SLC4A8: variants seen among roughly 807,000 people sequenced by gnomAD.
SLC4A8 encodes electroneutral sodium bicarbonate exchanger 1.
A neutral mutation model predicts 125.0 loss-of-function variants in SLC4A8; 40 were observed. The observed-to-expected ratio is 0.32, with a 90% CI of 0.25 to 0.42. The LOEUF (loss-of-function observed/expected upper bound fraction) is 0.42, where lower values mean the gene tolerates loss of function less well. Among genes scored for constraint, SLC4A8 ranks in the 10% least tolerant of loss-of-function variants. The pLI, the probability that SLC4A8 is intolerant of heterozygous loss-of-function variation, is 1.00. For missense variants in SLC4A8, 863 were observed against 1,355.1 expected (o/e 0.64, Z 5.70); for synonymous variants, 456 against 476.0 (o/e 0.96, Z 0.55).
rs1182230261 is a variant in SLC4A8 at position 51,472,209 on chromosome 12, C to CTCCAAATTATGACTAAAGA, written c.1904+681_1904+699dup. Among the ~76,000 whole-genome samples the CTCCAAATTATGACTAAAGA allele has an allele frequency of 2.6e-5, 4 of 152,184 alleles. No homozygotes were observed. The South Asian group carries it at 6.2e-4, about 24-fold the overall frequency. On this transcript the variant is annotated intron_variant, in intron 14 of 24. Transcript: ENST00000453097. ...AACATTTCTTCTCTGGAATAGTATT[C>CTCCAAATTATGACTAAAGA]TCCAAATTATGACTAAAGATCCTCT...
intron 2 of SLC4A8, among the ~76,000 whole-genome samples, chr12:51,448,265 G>A (rs1447282369): frequency 6.6e-6 from 1 of 152,156 alleles, no homozygotes; most frequent in Non-Finnish European, 1.5e-5. Flanking sequence ...GTTAAAGTGG[G>A]AGTTTTGATG....
intron 1 of SLC4A8, among the ~76,000 whole-genome samples, chr12:51,419,435 A>T (rs1424542208): frequency 2.6e-5 from 4 of 152,240 alleles, no homozygotes; most frequent in Non-Finnish European, 4.4e-5. Flanking sequence ...CACTTTAAAT[A>T]GACCTGATTT....
Position 51,474,344 on chromosome 12 carries a change from G to A in SLC4A8, c.1907G>A (p.Cys636Tyr). The stretch of plus-strand genomic sequence containing the variant: ...ATCTTTTTAATTTTTCCCCTCAGCT[G>A]CAGGTGTACTCTGCCAGAGAATCCA... ...SQLDHLSLYY[C>Y]RCTLPENPNN... The change falls in exon 15 of 25, where the codon TGC becomes TAC. Residue 636 changes from cysteine to tyrosine, a missense_variant and splice_region_variant. Cys to Tyr is a radical substitution (Grantham distance 194). Transcript: ENST00000453097. 1 of 1,567,044 alleles carries A rather than the reference G, an allele frequency of 6.4e-7. No individual in the cohort carries two copies. Among genetic ancestry groups the A allele is most frequent in the Non-Finnish European group, 8.7e-7 (1 of 1,143,230 alleles).
upstream of SLC4A8, among the ~76,000 whole-genome samples, chr12:51,422,771 G>A (rs1177773104): frequency 6.6e-6 from 1 of 152,170 alleles, no homozygotes; most frequent in Non-Finnish European, 1.5e-5. Context: ...TTATTCTTAA[G>A]TCTTTGCCTA....
intron 11 of SLC4A8, among the ~76,000 whole-genome samples, chr12:51,464,986 G>T (rs1219201687): frequency 6.6e-6 from 1 of 152,136 alleles, no homozygotes; most frequent in Non-Finnish European, 1.5e-5. Flanking sequence ...TTGGTGGAAA[G>T]AAGGAGTCCT....
chr12:51,425,108 C>A (rs1305851414), intron 1 of SLC4A8, 73 bp downstream of exon 1: 9 of 1,502,732 alleles, frequency 6.0e-6, no homozygotes. Context: ...CACCCTCCTT[C>A]CTTCTGCCCC....
chr12:51,431,774 TATTGGA>T (rs758688669), intron 1 of SLC4A8, among the ~76,000 whole-genome samples: 17 of 152,104 alleles, frequency 1.1e-4, no homozygotes, highest in Non-Finnish European at 2.2e-4. Flanking sequence ...GATGAAGAAC[TATTGGA>T]GGTCTGGTCA....
chr12:51,393,500 G>C (rs1439630462), intron 1 of SLC4A8, among the ~76,000 whole-genome samples: 1 of 152,176 alleles, frequency 6.6e-6, no homozygotes, highest in Non-Finnish European at 1.5e-5. Context: ...GAAGCCAGCC[G>C]GGTGTTAACA....
intron 2 of SLC4A8, among the ~76,000 whole-genome samples, chr12:51,443,481 A>G (rs954129150): frequency 5.3e-5 from 8 of 152,196 alleles, no homozygotes. Context: ...GATGAACTCA[A>G]GAAGAGCAAT....
At chr12:51,416,507 G>A (rs1326576021) in intron 1 of SLC4A8, among the ~76,000 whole-genome samples, 1 of 152,054 alleles carries the variant, frequency 6.6e-6, no homozygotes, top group Non-Finnish European at 1.5e-5. Flanking sequence ...TCTGGGTGTG[G>A]TGGCGTACGC....
At chr12:51,500,838 C>A (rs539077373) in intron 22 of SLC4A8, among the ~76,000 whole-genome samples, 127 of 148,976 alleles carry the variant, frequency 8.5e-4, no homozygotes, top group African/African-American at 2.8e-3. Flanking sequence ...AGGCTCTCGC[C>A]CCTGCGCCTG....
chr12:51,482,362 A>G (rs1951053210), intron 16 of SLC4A8, among the ~76,000 whole-genome samples: 1 of 152,146 alleles, frequency 6.6e-6, no homozygotes, highest in African/African-American at 2.4e-5. Flanking sequence ...AAAAATTTAA[A>G]ATTAGACATA....
chr12:51,480,861 A>G (rs572322478), intron 16 of SLC4A8, among the ~76,000 whole-genome samples: 1 of 152,332 alleles, frequency 6.6e-6, no homozygotes, highest in South Asian at 2.1e-4. Flanking sequence ...GCTTGCAGGA[A>G]GTACAACGGG....
intron 2 of SLC4A8, among the ~76,000 whole-genome samples, chr12:51,442,114 G>T (rs1482908857): frequency 6.6e-6 from 1 of 152,188 alleles, no homozygotes; most frequent in African/African-American, 2.4e-5. Flanking sequence ...TTTTACACAT[G>T]AGGAAACTGC....
At chr12:51,425,265 A>T (rs1948929528) in intron 1 of SLC4A8, 2 of 1,327,054 alleles carry the variant, frequency 1.5e-6, no homozygotes, top group Admixed American at 3.8e-5. Context: ...TCTCTGCCGC[A>T]TCCCTTGCGC....
chr12:51,461,058 C>A, intron 8 of SLC4A8, 146 bp from the exon 9 acceptor site: 1 of 497,334 alleles, frequency 2.0e-6, no homozygotes, highest in East Asian at 3.1e-5. Context: ...CAAAGTGCTC[C>A]TTCATTACTG....
chr12:51,496,470 G>A (rs542503636), intron 21 of SLC4A8, among the ~76,000 whole-genome samples: 3 of 152,314 alleles, frequency 2.0e-5, no homozygotes, highest in Admixed American at 6.5e-5. Flanking sequence ...TTTATAAAGC[G>A]AGTGTCAGGC....
chr12:51,507,686 CT>C lies in SLC4A8; in HGVS notation c.*249del. ...AGAAGACCACCTCCTGTTGGTTCTT[CT>C]CCTCTTCCTTCTTTTTCTCTTTAGA... On this transcript the variant is annotated 3_prime_UTR_variant, in exon 25 of 25. Transcript: ENST00000453097. The C allele has an allele frequency of 2.7e-6, 1 of 372,178 alleles. No homozygotes were observed. 23.1% of individuals were successfully genotyped at this position (372,178 alleles called of 1,614,324 possible).
chr12:51,462,291 G>T lies in SLC4A8; in HGVS notation c.1102-19G>T, dbSNP rs1950352419. 6.2e-7 allele frequency: 1 copy of T among 1,612,104 alleles called. No homozygotes were observed. On this transcript the variant is annotated intron_variant, in intron 9 of 24. Transcript: ENST00000453097. ...TAAAGTTACTTTTAACTTTCCTGAG[G>T]GTTTTCTCTTCTCTGTAGATTTTTC...
Sources: allele counts gnomAD v4.1 joint callset (sites outside exome capture counted in the v4.1 genomes callset), GRCh38; gene constraint gnomAD v4.1.1; transcripts MANE v1.5; gene names NCBI Gene and HGNC (gene_info 2026-07-23, HGNC 2026-07-21).